Variants in PPP6R3 observed in about 807,000 individuals in gnomAD.
PPP6R3 encodes the protein protein phosphatase 6 regulatory subunit 3.
A neutral mutation model predicts 110.7 loss-of-function variants in PPP6R3; 38 were observed. The ratio of observed to expected loss-of-function variants is 0.34; its 90% confidence interval spans 0.26 to 0.45. The LOEUF (loss-of-function observed/expected upper bound fraction) is 0.45, where lower values mean the gene tolerates loss of function less well. Among genes scored for constraint, PPP6R3 ranks in the 20% least tolerant of loss-of-function variants. The pLI is 1.00. For missense variants in PPP6R3, 870 were observed against 1,062.4 expected, an observed-to-expected ratio of 0.82 and a Z score of 2.52; for synonymous variants, 369 against 373.5, an observed-to-expected ratio of 0.99 and a Z score of 0.14.
At chr11:68,517,874 G>T (rs2099144758) in intron 1 of PPP6R3, among the ~76,000 whole-genome samples, 1 of 151,874 alleles carries the variant, frequency 6.6e-6, no homozygotes, top group African/African-American at 2.4e-5. Flanking sequence ...GGAGGTGGAG[G>T]TTGCAGTGAG....
At chr11:68,571,880 C>G (rs1030782905) in intron 12 of PPP6R3, among the ~76,000 whole-genome samples, 1 of 152,128 alleles carries the variant, frequency 6.6e-6, no homozygotes, top group Non-Finnish European at 1.5e-5. Flanking sequence ...ACAATCAAGA[C>G]ATTTCTGTCA....
At chr11:68,474,646 C>T (rs1198090395) in intron 1 of PPP6R3, among the ~76,000 whole-genome samples, 2 of 152,104 alleles carry the variant, frequency 1.3e-5, no homozygotes, top group Non-Finnish European at 2.9e-5. Flanking sequence ...TTATCTGTTC[C>T]TTGAAGGTTT....
At chr11:68,542,340 T>C (rs1235789329) in intron 3 of PPP6R3, among the ~76,000 whole-genome samples, 1 of 134,622 alleles carries the variant, frequency 7.4e-6, no homozygotes, top group Non-Finnish European at 1.6e-5. Flanking sequence ...GGAGGAGGGG[T>C]CTTGCCGAGG....
chr11:68,542,714 TAAG>T (rs960249938), intron 3 of PPP6R3, among the ~76,000 whole-genome samples: 7 of 152,146 alleles, frequency 4.6e-5, no homozygotes, highest in African/African-American at 7.2e-5. Context: ...TCTTGAATGT[TAAG>T]GAGGGAGGGA....
intron 1 of PPP6R3, among the ~76,000 whole-genome samples, chr11:68,512,948 A>C (rs1000453483): frequency 1.3e-5 from 2 of 152,160 alleles, no homozygotes; most frequent in African/African-American, 2.4e-5. Flanking sequence ...TGCGGGGAAG[A>C]TCTGCCCTCA....
chr11:68,590,659 G>A lies in PPP6R3; in HGVS notation c.1731-1G>A. The stretch of plus-strand genomic sequence containing the variant: ...TACACTTTTATTTTGTTTTTTTACA[G>A]TGTTTCTTTTGATCGAGTATCAGAC... On this transcript the variant is annotated splice_acceptor_variant, in intron 16 of 23. Transcript: ENST00000393800. LOFTEE classifies it high-confidence loss of function. 1 of 1,583,398 alleles carries A rather than the reference G, an allele frequency of 6.3e-7. No homozygotes were observed. Among genetic ancestry groups the A allele is most frequent in the Non-Finnish European group, 8.6e-7 (1 of 1,159,254 alleles).
chr11:68,529,073 T>C (rs1269812172), intron 2 of PPP6R3, among the ~76,000 whole-genome samples: 1 of 152,222 alleles, frequency 6.6e-6, no homozygotes, highest in Admixed American at 6.5e-5. Flanking sequence ...GAGTGAGAAT[T>C]CTAGTTTTTT....
chr11:68,601,608 C>G (rs78112290), intron 20 of PPP6R3, among the ~76,000 whole-genome samples: 1,620 of 152,310 alleles, frequency 0.011, 37 homozygotes, highest in African/African-American at 0.037. Flanking sequence ...ATGAGCCTGT[C>G]TAGAATGCTT....
intron 12 of PPP6R3, among the ~76,000 whole-genome samples, chr11:68,573,048 T>C (rs2099513845): frequency 6.9e-6 from 1 of 145,792 alleles, no homozygotes; most frequent in Non-Finnish European, 1.5e-5. Flanking sequence ...TTTCGTTTGA[T>C]AGAGCTTAAA....
At chr11:68,528,989 A>G (rs958546584) in intron 2 of PPP6R3, among the ~76,000 whole-genome samples, 1 of 152,206 alleles carries the variant, frequency 6.6e-6, no homozygotes, top group African/African-American at 2.4e-5. Flanking sequence ...AAACTCGGCC[A>G]GAGGTTCGGT....
chr11:68,547,606 G>C (rs1317391171), intron 4 of PPP6R3, among the ~76,000 whole-genome samples: 1 of 152,174 alleles, frequency 6.6e-6, no homozygotes, highest in Non-Finnish European at 1.5e-5. Context: ...TAGTTATTTT[G>C]ACTAGAGTAG....
chr11:68,490,721 G>A (rs1431085878), intron 1 of PPP6R3, among the ~76,000 whole-genome samples: 3 of 151,354 alleles, frequency 2.0e-5, no homozygotes, highest in Non-Finnish European at 4.4e-5. Context: ...CTTCAGCCGT[G>A]TTTAGCCTAC....
At chr11:68,521,319 A>G (rs1232742691) in intron 2 of PPP6R3, among the ~76,000 whole-genome samples, 1 of 152,198 alleles carries the variant, frequency 6.6e-6, no homozygotes, top group African/African-American at 2.4e-5. Context: ...AAAATAAGGT[A>G]TCATTAATTG....
At chr11:68,599,528 C>T (rs1049100011) in intron 19 of PPP6R3, among the ~76,000 whole-genome samples, 7 of 152,206 alleles carry the variant, frequency 4.6e-5, no homozygotes, top group Non-Finnish European at 5.9e-5. Flanking sequence ...GCAGGGAGCC[C>T]GCAGAATGGG....
chr11:68,543,404 T>G (rs77892353), intron 3 of PPP6R3, among the ~76,000 whole-genome samples: 2 of 15,980 alleles, frequency 1.3e-4, no homozygotes, highest in African/African-American at 3.4e-4. Flanking sequence ...GCCAGGTCTG[T>G]TTTTTTTTTT....
chr11:68,461,315 G>A (rs2098704739), intron 1 of PPP6R3, among the ~76,000 whole-genome samples: 1 of 152,142 alleles, frequency 6.6e-6, no homozygotes. Flanking sequence ...ACCATTGTTG[G>A]ACTCTGCTCT....
chr11:68,467,253 C>T (rs528934227), intron 1 of PPP6R3, among the ~76,000 whole-genome samples: 3 of 152,240 alleles, frequency 2.0e-5, no homozygotes, highest in Non-Finnish European at 4.4e-5. Context: ...TTTTGTACTT[C>T]ACAGTAACTC....
At chr11:68,567,953 A>AG (rs1236845841) in intron 10 of PPP6R3, among the ~76,000 whole-genome samples, 3 of 151,974 alleles carry the variant, frequency 2.0e-5, no homozygotes, top group Non-Finnish European at 4.4e-5. Context: ...ACAGTGAGAG[A>AG]GAGGATGTGT....
chr11:68,569,429 A>G (rs778661920), intron 10 of PPP6R3, among the ~76,000 whole-genome samples: 1 of 152,232 alleles, frequency 6.6e-6, no homozygotes, highest in Non-Finnish European at 1.5e-5. Flanking sequence ...AGAGATTAAT[A>G]ATAACTAATA....
Sources: allele counts gnomAD v4.1 joint callset (sites outside exome capture counted in the v4.1 genomes callset), GRCh38; gene constraint gnomAD v4.1.1; transcripts MANE v1.5; gene names NCBI Gene and HGNC (gene_info 2026-07-23, HGNC 2026-07-21).